The following AUTS2 variants were observed in gnomAD, a reference collection of about 807,000 sequenced individuals.
The protein encoded by AUTS2 is autism susceptibility gene 2 protein.
A neutral mutation model predicts 112.4 loss-of-function variants in AUTS2; 17 were observed. The ratio of observed to expected loss-of-function variants is 0.15; its 90% CI spans 0.10 to 0.23. The LOEUF (loss-of-function observed/expected upper bound fraction) is 0.23, where lower values mean the gene tolerates loss of function less well. Among genes scored for constraint, AUTS2 ranks in the 10% least tolerant of loss-of-function variants. The probability of loss-of-function intolerance (pLI) is 1.00; values close to 1 mark genes in which losing one functional copy is unlikely to be tolerated. For missense variants in AUTS2, 1,510 were observed against 1,701.6 expected, an observed-to-expected ratio of 0.89 and a Z score of 1.98; for synonymous variants, 751 against 702.7, an observed-to-expected ratio of 1.07 and a Z score of -1.09.
intron 1 of AUTS2, among the ~76,000 whole-genome samples, chr7:69,722,665 C>A (rs1036603175): frequency 7.9e-5 from 12 of 152,208 alleles, no homozygotes; most frequent in Admixed American, 5.9e-4. Flanking sequence ...GCTATGTGGC[C>A]TTGTGCATTT....
At chr7:70,592,804 A>G (rs1250747880) in intron 5 of AUTS2, among the ~76,000 whole-genome samples, 2 of 152,180 alleles carry the variant, frequency 1.3e-5, no homozygotes, top group Non-Finnish European at 1.5e-5. Flanking sequence ...AATGAATTAA[A>G]ATATAACATC....
chr7:70,407,586 A>AT (rs1562939911), intron 4 of AUTS2, among the ~76,000 whole-genome samples: 2 of 152,066 alleles, frequency 1.3e-5, no homozygotes, highest in Non-Finnish European at 2.9e-5. Context: ...GTTTCAGTGG[A>AT]TTTTTTTCCT....
chr7:70,370,091 G>A (rs758052867), intron 4 of AUTS2, among the ~76,000 whole-genome samples: 1 of 152,180 alleles, frequency 6.6e-6, no homozygotes, highest in Non-Finnish European at 1.5e-5. Flanking sequence ...TAGGATGTTG[G>A]AGGTTAGGTG....
At chr7:69,774,323 C>T (rs1296916971) in intron 1 of AUTS2, among the ~76,000 whole-genome samples, 1 of 152,124 alleles carries the variant, frequency 6.6e-6, no homozygotes, top group Non-Finnish European at 1.5e-5. Flanking sequence ...TCGCTTGAAC[C>T]CAGGAAATTG....
At chr7:70,302,014 G>A (rs1331426352) in intron 4 of AUTS2, among the ~76,000 whole-genome samples, 1 of 151,962 alleles carries the variant, frequency 6.6e-6, no homozygotes, top group Non-Finnish European at 1.5e-5. Context: ...CTGAGCTCAA[G>A]CTGTCTGCCC....
intron 2 of AUTS2, among the ~76,000 whole-genome samples, chr7:69,963,259 G>T (rs1330658052): frequency 6.6e-6 from 1 of 152,132 alleles, no homozygotes; most frequent in Non-Finnish European, 1.5e-5. Flanking sequence ...TTATATCTCT[G>T]TGTGTGTTTT....
intron 1 of AUTS2, among the ~76,000 whole-genome samples, chr7:69,837,717 T>C (rs1791788738): frequency 6.6e-6 from 1 of 152,192 alleles, no homozygotes; most frequent in South Asian, 2.1e-4. Context: ...AGGGACCACA[T>C]GGTGTATTTT....
chr7:70,349,525 T>C (rs1391720404), intron 4 of AUTS2, among the ~76,000 whole-genome samples: 1 of 152,226 alleles, frequency 6.6e-6, no homozygotes, highest in African/African-American at 2.4e-5. Context: ...GCTTAAAATC[T>C]CTGTGCTCAA....
At chr7:70,361,475 C>T (rs188954111) in intron 4 of AUTS2, among the ~76,000 whole-genome samples, 12 of 152,234 alleles carry the variant, frequency 7.9e-5, no homozygotes, top group Admixed American at 7.2e-4. Flanking sequence ...TTGTGATCTC[C>T]GGGCATGTGC....
intron 1 of AUTS2, among the ~76,000 whole-genome samples, chr7:69,671,519 G>GTGTC: frequency 6.7e-6 from 1 of 149,648 alleles, no homozygotes; most frequent in South Asian, 2.1e-4. Flanking sequence ...GTGTGTGTGT[G>GTGTC]TGTGTCTGTG....
At chr7:69,614,590 T>A (rs1160212881) in intron 1 of AUTS2, among the ~76,000 whole-genome samples, 1 of 151,950 alleles carries the variant, frequency 6.6e-6, no homozygotes, top group African/African-American at 2.4e-5. Context: ...GCTCAAGTGA[T>A]CCTCCTGCCT....
chr7:69,906,016 T>A (rs760993452), intron 2 of AUTS2, among the ~76,000 whole-genome samples: 1 of 152,178 alleles, frequency 6.6e-6, no homozygotes, highest in African/African-American at 2.4e-5. Flanking sequence ...GCCATTTAAA[T>A]CCCATATATT....
rs769837415 is a variant in AUTS2 at position 70,789,768 on chromosome 7, A to G, written c.2552A>G (p.His851Arg). 1 of 1,612,490 alleles carries G rather than the reference A, an allele frequency of 6.2e-7. No homozygotes were observed. The highest frequency in any genetic ancestry group is 1.3e-5 in the African/African-American group (1 of 74,688). ...DKERESVEKR[H>R]SSHPSPAPVL... ...CCCAGGGAAAGCGTCGAGAAGAGAC[A>G]CTCCAGCCACCCTTCACCAGCACCT... is the stretch of plus-strand genomic sequence containing the variant. Residue 851 changes from histidine (H) to arginine (R), a missense_variant, in exon 19 of 19, where the codon CAC becomes CGC. Physicochemically the swap from His to Arg is conservative, Grantham distance 29. Around this residue, in one of 3 missense-constraint regions of AUTS2, gnomAD observed 788 missense variants for 797.6 expected, o/e 0.99. Coordinates refer to ENST00000342771, the MANE Select transcript of AUTS2 (RefSeq NM_015570.4).
At chr7:70,094,130 A>C (rs1241747070) in intron 2 of AUTS2, among the ~76,000 whole-genome samples, 1 of 152,210 alleles carries the variant, frequency 6.6e-6, no homozygotes, top group Admixed American at 6.5e-5. Context: ...TTTCCCTATA[A>C]TAACCAACTA....
chr7:70,701,744 A>T (rs1026097530), intron 6 of AUTS2, among the ~76,000 whole-genome samples: 2 of 152,234 alleles, frequency 1.3e-5, no homozygotes, highest in Admixed American at 1.3e-4. Context: ...ACACAAAAAA[A>T]CAGTTTAACT....
chr7:70,097,252 C>T (rs1350106622), intron 2 of AUTS2, among the ~76,000 whole-genome samples: 1 of 152,174 alleles, frequency 6.6e-6, no homozygotes, highest in Non-Finnish European at 1.5e-5. Flanking sequence ...AGTGTGCATC[C>T]TGCAGTGCAT....
chr7:70,669,635 T>C (rs1441388852), intron 5 of AUTS2, among the ~76,000 whole-genome samples: 2 of 152,260 alleles, frequency 1.3e-5, no homozygotes, highest in African/African-American at 4.8e-5. Context: ...TCATGCTGTC[T>C]GCACATAATT....
At position 69,729,419 on chromosome 7, in the gene AUTS2, A is replaced by ACC. The variant is rs796181771; in HGVS notation, c.309+129467_309+129468dup. ...TTAAGAGTTTTAAATGTCCCCCAAC[A>ACC]CCCCCCCCCCCATTTTTATACTTTT... is the stretch of plus-strand genomic sequence containing the variant. On this transcript the variant is annotated intron_variant, in intron 1 of 18. Coordinates refer to ENST00000342771, the MANE Select transcript of AUTS2 (RefSeq NM_015570.4). Among the ~76,000 whole-genome samples, 155 of 60,458 alleles carry ACC rather than the reference A, an allele frequency of 2.6e-3. 1 individual carries two copies. The highest frequency in any genetic ancestry group is 5.0e-3 in the African/African-American group (95 of 18,986). The allele number at this position is 60,458 out of a possible 152,430, so 39.7% of individuals were successfully genotyped here. A position where few individuals can be genotyped will look rare whatever the true frequency, so the allele number is the denominator to read the frequency against.
intron 4 of AUTS2, among the ~76,000 whole-genome samples, chr7:70,320,450 T>G (rs549865920): frequency 4.6e-5 from 7 of 152,352 alleles, no homozygotes; most frequent in Middle Eastern, 3.4e-3. Flanking sequence ...AAATCTGTCT[T>G]TATTTTGGAT....
Sources: gnomAD v4.1 joint callset for allele counts (sites outside exome capture counted in the v4.1 genomes callset) on GRCh38, gnomAD v4.1.1 for gene constraint, gnomAD v4.1.1 regional missense constraint, MANE v1.5 for transcripts, NCBI Gene and HGNC (gene_info 2026-07-23, HGNC 2026-07-21) for gene names.